Variants in PDE4D observed in about 807,000 individuals in gnomAD.
PDE4D encodes 3',5'-cyclic-AMP phosphodiesterase 4D.
In PDE4D, 24 loss-of-function variants were observed where a neutral mutation model predicts 87.4. The observed-to-expected ratio is 0.27, with a 90% confidence interval of 0.20 to 0.39. The LOEUF (loss-of-function observed/expected upper bound fraction) is 0.39. Among genes scored for constraint, PDE4D ranks in the 10% least tolerant of loss-of-function variants. The pLI is 1.00. For missense variants in PDE4D, 714 were observed against 1,041.0 expected, an observed-to-expected ratio of 0.69 and a Z score of 4.32; for synonymous variants, 384 against 383.2, an observed-to-expected ratio of 1.00 and a Z score of -0.02.
chr5:59,682,630 G>A (rs1241073397), intron 1 of PDE4D, among the ~76,000 whole-genome samples: 1 of 152,162 alleles, frequency 6.6e-6, no homozygotes. Flanking sequence ...TTATAAAAGA[G>A]ACCCCAGAGA....
chr5:59,012,490 A>C (rs1753034236), intron 6 of PDE4D, among the ~76,000 whole-genome samples: 1 of 152,208 alleles, frequency 6.6e-6, no homozygotes, highest in Non-Finnish European at 1.5e-5. Context: ...AAAAAAAAGC[A>C]GGGGTTGCAA....
intron 1 of PDE4D, among the ~76,000 whole-genome samples, chr5:60,294,674 A>G (rs1259399140): frequency 6.6e-6 from 1 of 151,944 alleles, no homozygotes; most frequent in East Asian, 1.9e-4. Context: ...TACTTTATAA[A>G]TGTGTGTCTA....
chr5:60,019,643 C>G (rs1765846007), intron 2 of PDE4D, among the ~76,000 whole-genome samples: 1 of 152,180 alleles, frequency 6.6e-6, no homozygotes, highest in Admixed American at 6.5e-5. Context: ...TCTGACTTTT[C>G]TCCTTCAGCT....
chr5:60,171,571 C>G (rs1340879132), intron 2 of PDE4D, among the ~76,000 whole-genome samples: 2 of 152,062 alleles, frequency 1.3e-5, no homozygotes, highest in Non-Finnish European at 2.9e-5. Flanking sequence ...CTCACATAGG[C>G]TTTATAAATA....
chr5:60,249,500 C>A (rs1377719873), intron 1 of PDE4D, among the ~76,000 whole-genome samples: 1 of 151,928 alleles, frequency 6.6e-6, no homozygotes, highest in Non-Finnish European at 1.5e-5. Flanking sequence ...TTTAAAAAAT[C>A]CTAACATGTA....
intron 5 of PDE4D, among the ~76,000 whole-genome samples, chr5:59,052,229 C>T (rs1387306231): frequency 6.6e-6 from 1 of 152,100 alleles, no homozygotes; most frequent in Non-Finnish European, 1.5e-5. Context: ...TGCTGGGTTT[C>T]AGGAAGAAGG....
chr5:59,923,328 T>C (rs1754884929), intron 3 of PDE4D, among the ~76,000 whole-genome samples: 1 of 152,212 alleles, frequency 6.6e-6, no homozygotes, highest in Non-Finnish European at 1.5e-5. Flanking sequence ...CTATGCTACC[T>C]GCTGATTGTA....
chr5:60,398,231 G>A (rs950811746), intron 1 of PDE4D, among the ~76,000 whole-genome samples: 1 of 152,154 alleles, frequency 6.6e-6, no homozygotes, highest in African/African-American at 2.4e-5. Context: ...ATTGAAGAAG[G>A]CCATAGCTGT....
chr5:60,179,924 G>C (rs1022743280), intron 2 of PDE4D, among the ~76,000 whole-genome samples: 1 of 152,106 alleles, frequency 6.6e-6, no homozygotes, highest in Non-Finnish European at 1.5e-5. Flanking sequence ...TTGTTATAGA[G>C]AGATTTTGTC....
intron 1 of PDE4D, among the ~76,000 whole-genome samples, chr5:60,416,049 G>C (rs1282410334): frequency 6.6e-6 from 1 of 152,206 alleles, no homozygotes; most frequent in Non-Finnish European, 1.5e-5. Context: ...CCCAAGGTTT[G>C]TAAATGCACC....
intron 2 of PDE4D, among the ~76,000 whole-genome samples, chr5:60,072,725 C>T (rs1000252910): frequency 4.6e-5 from 7 of 152,016 alleles, no homozygotes; most frequent in African/African-American, 1.2e-4. Flanking sequence ...TCCTGCATAT[C>T]GCTAGCCAGT....
intron 1 of PDE4D, among the ~76,000 whole-genome samples, chr5:60,263,910 A>G (rs767848937): frequency 3.3e-5 from 5 of 152,162 alleles, no homozygotes; most frequent in Non-Finnish European, 7.3e-5. Flanking sequence ...AATAAACTAA[A>G]TAAAAATAAT....
intron 1 of PDE4D, among the ~76,000 whole-genome samples, chr5:59,410,240 TTTTG>T (rs140779342): frequency 0.17 from 25,589 of 151,628 alleles, 2,866 homozygotes; most frequent in African/African-American, 0.31. Flanking sequence ...AGTTCAAGTG[TTTTG>T]TTTGTTTGTT....
intron 5 of PDE4D, among the ~76,000 whole-genome samples, chr5:59,076,855 A>G (rs1765751963): frequency 6.6e-6 from 1 of 152,198 alleles, no homozygotes; most frequent in African/African-American, 2.4e-5. Context: ...TCACTGCTAC[A>G]TGGTCTTATC....
intron 1 of PDE4D, among the ~76,000 whole-genome samples, chr5:59,292,443 TAGATTA>T (rs1417733702): frequency 1.3e-5 from 2 of 151,904 alleles, no homozygotes; most frequent in East Asian, 3.9e-4. Context: ...TTCCACAACG[TAGATTA>T]TTTTTGCTAT....
chr5:59,061,614 T>C (rs1763121643), intron 5 of PDE4D, among the ~76,000 whole-genome samples: 1 of 152,096 alleles, frequency 6.6e-6, no homozygotes, highest in South Asian at 2.1e-4. Context: ...TGCTCCAGCA[T>C]CACACCCTCC....
At chr5:59,702,958 C>A (rs768274480) in intron 1 of PDE4D, among the ~76,000 whole-genome samples, 1 of 151,266 alleles carries the variant, frequency 6.6e-6, no homozygotes, top group Non-Finnish European at 1.5e-5. Flanking sequence ...AAAAAGTGAG[C>A]TTCTTAGCAG....
intron 3 of PDE4D, among the ~76,000 whole-genome samples, chr5:59,927,200 T>C (rs1375297466): frequency 6.6e-6 from 1 of 152,218 alleles, no homozygotes; most frequent in Admixed American, 6.5e-5. Context: ...TGACACACTT[T>C]TACCTCAACT....
At chr5:59,897,226 C>A (rs1397651012), upstream of PDE4D, among the ~76,000 whole-genome samples, 1 of 152,148 alleles carries the variant, frequency 6.6e-6, no homozygotes, top group African/African-American at 2.4e-5. Flanking sequence ...TCTGCAAATG[C>A]ATTTCAAATC....
Sources: allele counts gnomAD v4.1 joint callset (sites outside exome capture counted in the v4.1 genomes callset), GRCh38; gene constraint gnomAD v4.1.1; transcripts MANE v1.5; gene names NCBI Gene and HGNC (gene_info 2026-07-23, HGNC 2026-07-21).